Variants in L3HYPDH observed in about 807,000 individuals in gnomAD.
The protein encoded by L3HYPDH is trans-L-3-hydroxyproline dehydratase, also known as trans-3-hydroxy-L-proline dehydratase.
A neutral mutation model predicts 26.5 loss-of-function variants in L3HYPDH; 32 were observed. The ratio of observed to expected loss-of-function variants is 1.21; its 90% CI spans 0.91 to 1.62. The LOEUF (loss-of-function observed/expected upper bound fraction) is 1.62, where lower values mean the gene tolerates loss of function less well. Ranked by LOEUF, L3HYPDH falls within the 40% of genes most tolerant of loss-of-function variation. The pLI, the probability that L3HYPDH is intolerant of heterozygous loss-of-function variation, is 0.00. For synonymous variants in L3HYPDH, 215 were observed against 196.6 expected, an observed-to-expected ratio of 1.09 and a Z score of -0.78; for missense variants, 554 against 476.4, an observed-to-expected ratio of 1.16 and a Z score of -1.52.
At chr14:59,499,903 T>G in the L3HYPDH span, among the ~76,000 whole-genome samples, 2 of 152,334 alleles carry the variant, frequency 1.3e-5, no homozygotes, top group Admixed American at 1.3e-4. Context: ...CCCTTATACC[T>G]TCCTGGCTAC....
intron 1 of L3HYPDH, chr14:59,483,533 T>G: frequency 7.2e-7 from 1 of 1,388,358 alleles, no homozygotes; most frequent in East Asian, 2.8e-5. Flanking sequence ...GCCTCACCAG[T>G]GCAGAGGGAG....
chr14:59,499,769 A>G, the L3HYPDH span, among the ~76,000 whole-genome samples: 29 of 152,150 alleles, frequency 1.9e-4, no homozygotes, highest in Non-Finnish European at 4.0e-4. Flanking sequence ...GACCAAGGGA[A>G]CCAGAAATTC....
At chr14:59,495,066 G>A in the L3HYPDH span, 75 of 1,613,760 alleles carry the variant, frequency 4.6e-5, no homozygotes, top group Non-Finnish European at 6.2e-5. Context: ...AATGCAGCAT[G>A]GCAGCTATTA....
At chr14:59,483,199 G>A (rs112416726) in intron 1 of L3HYPDH, among the ~76,000 whole-genome samples, 1,800 of 152,334 alleles carry the variant, frequency 0.012, 28 homozygotes, top group African/African-American at 0.042. Context: ...GGCACAGAGA[G>A]ATTAAGTAAT....
At chr14:59,504,995 A>AAGACT in the L3HYPDH span, 1 of 312,300 alleles carries the variant, frequency 3.2e-6, no homozygotes, top group East Asian at 5.4e-5. Context: ...TGAAGGCCTT[A>AAGACT]AGACTCATGG....
At chr14:59,498,576 T>C in the L3HYPDH span, 1 of 504,480 alleles carries the variant, frequency 2.0e-6, no homozygotes, top group Non-Finnish European at 3.4e-6. Flanking sequence ...TGACAGCCTG[T>C]TTGGCCAGCT....
chr14:59,482,802 T>C (rs974004410), intron 1 of L3HYPDH, among the ~76,000 whole-genome samples: 4 of 152,236 alleles, frequency 2.6e-5, no homozygotes, highest in African/African-American at 9.6e-5. Context: ...TTCTAACAGA[T>C]GATTTGCATG....
rs1168462780 is a variant in L3HYPDH, at chr14:59,476,081, A to G, written c.801+11T>C. The G allele has an allele frequency of 6.2e-7, 1 of 1,613,772 alleles. No individual in the cohort carries two copies. The highest frequency in any genetic ancestry group is 8.5e-7 in the Non-Finnish European group (1 of 1,179,826). The stretch of plus-strand genomic sequence containing the variant: ...CCTGGCTTTTGTCCCTAAACATTAC[A>G]GTTTTAATACCTGTTCATCTGCAAA... On this transcript the variant is annotated intron_variant, in intron 3 of 4. Coordinates refer to ENST00000247194, the MANE Select transcript of L3HYPDH (RefSeq NM_144581.2).
rs991861161 is a variant in L3HYPDH at position 59,479,096 on chromosome 14, T to C, written c.678+86A>G. The C allele has an allele frequency of 1.9e-5, 19 of 1,009,650 alleles. No homozygotes were observed. The South Asian group carries it at 3.2e-4, about 17-fold the overall frequency. The allele number at this position is 1,009,650 out of a possible 1,614,324, so 62.5% of individuals were successfully genotyped here. On this transcript the variant is annotated intron_variant, in intron 2 of 4. Coordinates refer to ENST00000247194, the MANE Select transcript of L3HYPDH (RefSeq NM_144581.2). ...AGTACTATTAATAATTTAAACATCA[T>C]TTAATTTTCTTTATAGACATAATAA...
chr14:59,496,396 G>A, the L3HYPDH span, among the ~76,000 whole-genome samples: 2 of 151,604 alleles, frequency 1.3e-5, no homozygotes, highest in Non-Finnish European at 2.9e-5. Context: ...ATAACTTAAC[G>A]TGGTCCTATT....
chr14:59,495,276 A>G, the L3HYPDH span: 6 of 1,358,614 alleles, frequency 4.4e-6, no homozygotes, highest in Admixed American at 8.7e-5. Flanking sequence ...ATCTCTGAGG[A>G]TTATTATAGA....
intron 4 of L3HYPDH, 139 bp downstream of exon 4, chr14:59,475,730 T>C (rs1889581686): frequency 1.1e-6 from 1 of 931,802 alleles, no homozygotes; most frequent in East Asian, 2.5e-5. Context: ...AATGTCCTAG[T>C]TGAAAAGAAG....
intron 1 of L3HYPDH, among the ~76,000 whole-genome samples, chr14:59,480,645 T>G (rs916899932): frequency 6.6e-6 from 1 of 152,236 alleles, no homozygotes; most frequent in Non-Finnish European, 1.5e-5. Flanking sequence ...GATATCAGTA[T>G]GCTATCAGTC....
At chr14:59,485,116 A>G (rs143546562), upstream of L3HYPDH, 1 of 1,598,432 alleles carries the variant, frequency 6.3e-7, no homozygotes, top group Non-Finnish European at 8.5e-7. Context: ...GGTTTTGCTT[A>G]GTAAGTGATA....
At chr14:59,466,578 A>G (rs978110504) in intron 1 of L3HYPDH, among the ~76,000 whole-genome samples, 6 of 152,232 alleles carry the variant, frequency 3.9e-5, no homozygotes, top group Non-Finnish European at 5.9e-5. Context: ...AAGCCCTCCC[A>G]GTGATTCTGA....
chr14:59,484,370 C>T lies in L3HYPDH; in HGVS notation c.-54G>A. 4.6e-6 allele frequency: 7 copies of T among 1,515,022 alleles called. No homozygotes were observed. The highest frequency in any genetic ancestry group is 1.2e-5 in the South Asian group (1 of 81,582). 93.8% of individuals were successfully genotyped at this position (1,515,022 alleles called of 1,614,324 possible). On this transcript the variant is annotated 5_prime_UTR_variant, in exon 1 of 5. Coordinates refer to ENST00000247194, the MANE Select transcript of L3HYPDH (RefSeq NM_144581.2). The stretch of plus-strand genomic sequence containing the variant: ...CCCGCAGCTATGGCTTCAAGCCCGA[C>T]CCTCACCCACTGACTCCGCGGGAGG...
At position 59,484,299 on chromosome 14, in the gene L3HYPDH, C is replaced by T. The variant is rs775406626; in HGVS notation, c.18G>A (p.Ala6=). 5.0e-6 allele frequency: 8 copies of T among 1,589,900 alleles called. No homozygotes were observed. The highest frequency in any genetic ancestry group is 1.7e-5 in the Admixed American group (1 of 59,572). MESAL[A]VPRLPPHDPG... ...GATCATGCGGGGGCAGCCGGGGCAC[C>T]GCCAGCGCGCTCTCCATGGTCTGCG... Residue 6 remains alanine (A), a synonymous_variant, in exon 1 of 5, where the codon GCG becomes GCA. Coordinates refer to ENST00000247194, the MANE Select transcript of L3HYPDH (RefSeq NM_144581.2).
At chr14:59,473,614 A>C (rs1206963492) in intron 4 of L3HYPDH, among the ~76,000 whole-genome samples, 1 of 152,204 alleles carries the variant, frequency 6.6e-6, no homozygotes, top group Non-Finnish European at 1.5e-5. Context: ...AGTTTGAGAC[A>C]CCTCTGGGAC....
intron 1 of L3HYPDH, among the ~76,000 whole-genome samples, chr14:59,482,538 A>G (rs1361203088): frequency 6.6e-6 from 1 of 152,244 alleles, no homozygotes; most frequent in Non-Finnish European, 1.5e-5. Flanking sequence ...GAATTCTGGT[A>G]GCCACGCTAG....
Sources: allele counts gnomAD v4.1 joint callset (sites outside exome capture counted in the v4.1 genomes callset), GRCh38; gene constraint gnomAD v4.1.1; transcripts MANE v1.5; gene names NCBI Gene and HGNC (gene_info 2026-07-23, HGNC 2026-07-21).